TMC2: variants seen among roughly 807,000 people sequenced by gnomAD.
The protein encoded by TMC2 is transmembrane channel like 2, also known as transmembrane channel-like protein 2.
Under a neutral mutation model 105.9 loss-of-function variants are expected in TMC2, and 102 were observed. That is an observed-to-expected ratio of 0.96 (90% confidence interval 0.82 to 1.14). The LOEUF is 1.14. TMC2 is among the 50% of genes most tolerant of loss of function. The pLI, the probability that TMC2 is intolerant of heterozygous loss-of-function variation, is 0.00. For missense variants in TMC2, 1,093 were observed against 1,134.3 expected, an observed-to-expected ratio of 0.96 and a Z score of 0.52; for synonymous variants, 402 against 422.8, an observed-to-expected ratio of 0.95 and a Z score of 0.60.
chr20:2,563,366 C>T (rs927778472), intron 4 of TMC2, among the ~76,000 whole-genome samples: 6 of 152,158 alleles, frequency 3.9e-5, no homozygotes, highest in Non-Finnish European at 7.3e-5. Flanking sequence ...TGCCTCCAGG[C>T]CTATGCTTTA....
At chr20:2,553,658 A>G (rs2085969795) in intron 2 of TMC2, among the ~76,000 whole-genome samples, 1 of 152,126 alleles carries the variant, frequency 6.6e-6, no homozygotes, top group East Asian at 1.9e-4. Context: ...TCTTCTTTAA[A>G]CATTTGACAA....
chr20:2,582,200 T>C (rs1035800827), intron 7 of TMC2, among the ~76,000 whole-genome samples: 2 of 152,034 alleles, frequency 1.3e-5, no homozygotes, highest in African/African-American at 4.8e-5. Flanking sequence ...TAACAGCAAT[T>C]AGGGTGTGGG....
At chr20:2,586,032 C>T (rs1252511119) in intron 7 of TMC2, among the ~76,000 whole-genome samples, 1 of 152,142 alleles carries the variant, frequency 6.6e-6, no homozygotes, top group Admixed American at 6.5e-5. Context: ...AGGCTGCCTA[C>T]CACATTGAAC....
chr20:2,615,849 G>A (rs907274287), intron 14 of TMC2, among the ~76,000 whole-genome samples: 2 of 152,198 alleles, frequency 1.3e-5, no homozygotes, highest in African/African-American at 4.8e-5. Context: ...CCAAGAACAC[G>A]CTGTCAGCCT....
At chr20:2,618,261 A>G (rs2086499863) in intron 16 of TMC2, 2 of 152,548 alleles carry the variant, frequency 1.3e-5, no homozygotes, top group South Asian at 4.1e-4. Context: ...AAGAAAATGC[A>G]ATATTTGTCT....
chr20:2,562,082 C>G, intron 4 of TMC2, 72 bp downstream of exon 4: 1 of 1,522,944 alleles, frequency 6.6e-7, no homozygotes, highest in Non-Finnish European at 8.8e-7. Flanking sequence ...GGAGCCCTCC[C>G]TCCACATTTC....
chr20:2,552,334 G>A (rs183148662), intron 2 of TMC2, among the ~76,000 whole-genome samples: 14 of 152,230 alleles, frequency 9.2e-5, no homozygotes, highest in African/African-American at 2.2e-4. Context: ...GATTGAAATC[G>A]CATTAACTCT....
chr20:2,591,622 G>A lies in TMC2; in HGVS notation c.835-688G>A, dbSNP rs116112542. On this transcript the variant is annotated intron_variant, in intron 7 of 19. Coordinates refer to ENST00000358864, the MANE Select transcript of TMC2 (RefSeq NM_080751.3). Reference sequence around the variant, plus strand: ...CAGGAGGCTGAGGTGGGAGGATCACGTGAGCCAGGGAGGCAGAAGTTATTG... The same window carrying A: ...CAGGAGGCTGAGGTGGGAGGATCACATGAGCCAGGGAGGCAGAAGTTATTG... 7.0e-3 allele frequency among the ~76,000 whole-genome samples: 1,063 copies of A among 152,118 alleles called. 15 individuals carry two copies. The highest frequency in any genetic ancestry group is 0.024 in the African/African-American group (1,005 of 41,514).
intron 9 of TMC2, 22 bp downstream of exon 9, chr20:2,594,989 G>T (rs562759510): frequency 6.2e-7 from 1 of 1,605,432 alleles, no homozygotes; most frequent in Non-Finnish European, 8.5e-7. Context: ...CGTCTCATCC[G>T]CAGGCTTTGA....
At chr20:2,582,164 C>T (rs559830373) in intron 7 of TMC2, among the ~76,000 whole-genome samples, 9 of 152,238 alleles carry the variant, frequency 5.9e-5, no homozygotes, top group East Asian at 1.9e-4. Flanking sequence ...GTGAAGTGCA[C>T]GGACAAGTCT....
In TMC2 at chr20:2,617,255, G is replaced by A. The variant is rs755490594; in HGVS notation, c.2124G>A (p.Leu708=). Residue 708 remains leucine (L), a synonymous_variant, in exon 16 of 20, where the codon CTG becomes CTA. Transcript: ENST00000358864. ...TGCTGGTGCTCTTCCTCAGCCTCCT[G>A]CCGGTGGCCTACACCATCATGTCCC... ...LLLLVLFLSL[L]PVAYTIMSLP... 3 of 1,614,078 alleles carry A rather than the reference G, an allele frequency of 1.9e-6. No individual in the cohort carries two copies. The highest frequency in any genetic ancestry group is 1.3e-5 in the African/African-American group (1 of 74,932).
At chr20:2,559,005 C>T (rs1338224233) in intron 3 of TMC2, among the ~76,000 whole-genome samples, 1 of 152,150 alleles carries the variant, frequency 6.6e-6, no homozygotes, top group African/African-American at 2.4e-5. Context: ...TGGCCGCGGG[C>T]TCTCCACTCC....
Position 2,537,262 on chromosome 20 carries a change from C to T in TMC2, c.35-7C>T. 1 of 1,600,228 alleles carries T rather than the reference C, an allele frequency of 6.2e-7. No individual in the cohort carries two copies. ...CAGCCATTTGTCAGCAATCCTGTCT[C>T]TTACAGCACGAGGCGGAGTGAAAGG... On this transcript the variant is annotated splice_region_variant and splice_polypyrimidine_tract_variant and intron_variant, in intron 1 of 19. Coordinates refer to ENST00000358864, the MANE Select transcript of TMC2 (RefSeq NM_080751.3).
At chr20:2,581,182 C>T (rs2086187074) in intron 7 of TMC2, among the ~76,000 whole-genome samples, 1 of 152,150 alleles carries the variant, frequency 6.6e-6, no homozygotes, top group African/African-American at 2.4e-5. Flanking sequence ...ACTTTCAGGA[C>T]ATTAAAAACC....
At chr20:2,545,859 GAAAGAAAA>G (rs1321957741) in intron 2 of TMC2, among the ~76,000 whole-genome samples, 6,039 of 118,144 alleles carry the variant, frequency 0.051, 166 homozygotes, top group Non-Finnish European at 0.07. Flanking sequence ...GAAAGAGAAA[GAAAGAAAA>G]AGAAAGAAAG....
chr20:2,574,307 A>C (rs901543692), intron 5 of TMC2, among the ~76,000 whole-genome samples: 4 of 152,112 alleles, frequency 2.6e-5, no homozygotes, highest in African/African-American at 7.2e-5. Flanking sequence ...ATACATTTTC[A>C]TAAGATTGAT....
intron 17 of TMC2, among the ~76,000 whole-genome samples, chr20:2,628,840 T>C (rs6037148): frequency 2.0e-5 from 3 of 151,888 alleles, no homozygotes; most frequent in Non-Finnish European, 2.9e-5. Flanking sequence ...CAGTGGCTCA[T>C]GCCTGTAATC....
chr20:2,579,804 G>A, intron 6 of TMC2, 146 bp from the exon 7 acceptor site: 1 of 568,084 alleles, frequency 1.8e-6, no homozygotes, highest in Non-Finnish European at 3.2e-6. Context: ...AGAGCCTCAG[G>A]TTATTTATCC....
Position 2,628,573 on chromosome 20 carries a change from G to A in TMC2, c.2306+4177G>A, listed in dbSNP as rs137884168. Reference sequence around the variant, plus strand: ...TCATGGAGGCAGTTCCCCCCGTGCCGTTCTTGTGATAGTGAGTGAGTTCTC... The same window carrying A: ...TCATGGAGGCAGTTCCCCCCGTGCCATTCTTGTGATAGTGAGTGAGTTCTC... On this transcript the variant is annotated intron_variant, in intron 17 of 19. Coordinates refer to ENST00000358864, the MANE Select transcript of TMC2 (RefSeq NM_080751.3). 6.4e-3 allele frequency among the ~76,000 whole-genome samples: 963 copies of A among 150,646 alleles called. 5 individuals are homozygous for A. The highest frequency in any genetic ancestry group is 0.017 in the Middle Eastern group (5 of 294).
Sources: gnomAD v4.1 joint callset for allele counts (sites outside exome capture counted in the v4.1 genomes callset) on GRCh38, gnomAD v4.1.1 for gene constraint, MANE v1.5 for transcripts, NCBI Gene and HGNC (gene_info 2026-07-23, HGNC 2026-07-21) for gene names.